DOCK8: variants seen among roughly 807,000 people sequenced by gnomAD.
The protein encoded by DOCK8 is dedicator of cytokinesis protein 8.
DOCK8 carries 141 observed loss-of-function variants against 245.6 expected under a neutral mutation model. The ratio of observed to expected loss-of-function variants is 0.57; its 90% CI spans 0.50 to 0.66. The LOEUF (loss-of-function observed/expected upper bound fraction) is 0.66, where lower values mean the gene tolerates loss of function less well. Ranked by LOEUF, DOCK8 falls within the 30% of genes least tolerant of loss-of-function variation. The probability of loss-of-function intolerance (pLI) is 0.00; values close to 1 mark genes in which losing one functional copy is unlikely to be tolerated. For missense variants in DOCK8, 2,965 were observed against 2,603.4 expected (o/e 1.14, Z -3.02); for synonymous variants, 1,168 against 970.2 (o/e 1.20, Z -3.79).
intron 1 of DOCK8, among the ~76,000 whole-genome samples, chr9:246,345 C>T (rs931757661): frequency 6.6e-6 from 1 of 151,970 alleles, no homozygotes; most frequent in Non-Finnish European, 1.5e-5. Context: ...ATAGCGTGAC[C>T]CCATCTCTAC....
intron 9 of DOCK8, among the ~76,000 whole-genome samples, chr9:332,046 T>C (rs2130857695): frequency 6.6e-6 from 1 of 152,368 alleles, no homozygotes; most frequent in East Asian, 1.9e-4. Context: ...ATAACTTTTA[T>C]TGCTGTTTTT....
Position 464,208 on chromosome 9 carries a change from C to T in DOCK8, c.6289C>T (p.Gln2097Ter). 6.2e-7 allele frequency: 1 copy of T among 1,613,930 alleles called. No individual in the cohort carries two copies. Among genetic ancestry groups the T allele is most frequent in the Non-Finnish European group, 8.5e-7 (1 of 1,179,778 alleles). The change falls in exon 48 of 48, where the codon CAG becomes TAG. Residue 2097 changes from glutamine to a stop codon, truncating the protein, a stop_gained. Coordinates refer to ENST00000432829, the MANE Select transcript of DOCK8 (RefSeq NM_203447.4). LOFTEE classifies it high-confidence loss of function. Reference sequence around the variant, plus strand: ...CAGGAAATGTGAAACCCAGTTGTCACAGGGCAGCTAAGAAAAGCCATCTTC... The same window carrying T: ...CAGGAAATGTGAAACCCAGTTGTCATAGGGCAGCTAAGAAAAGCCATCTTC... ...SFRKCETQLS[Q>*]GS
chr9:307,654 G>A (rs897833805), intron 5 of DOCK8, among the ~76,000 whole-genome samples: 4 of 151,880 alleles, frequency 2.6e-5, no homozygotes, highest in Admixed American at 1.3e-4. Context: ...CACCGCACCC[G>A]GCCCACTGTC....
At chr9:400,952 A>ACCTTCT (rs1412533059) in intron 26 of DOCK8, among the ~76,000 whole-genome samples, 3 of 67,484 alleles carry the variant, frequency 4.4e-5, no homozygotes, top group Admixed American at 1.5e-4. Context: ...CACCATCACC[A>ACCTTCT]CCACCACCAC....
At chr9:390,012 C>A (rs2054118102) in intron 23 of DOCK8, among the ~76,000 whole-genome samples, 1 of 151,382 alleles carries the variant, frequency 6.6e-6, no homozygotes, top group Admixed American at 6.6e-5. Flanking sequence ...AGAGTGCAGC[C>A]CTATCTCAAA....
intron 1 of DOCK8, among the ~76,000 whole-genome samples, chr9:268,936 TA>T (rs2048094543): frequency 6.6e-6 from 1 of 152,232 alleles, no homozygotes; most frequent in African/African-American, 2.4e-5. Context: ...AACTTATAAT[TA>T]AAATCAGTCT....
intron 1 of DOCK8, among the ~76,000 whole-genome samples, chr9:247,594 C>T (rs182530873): frequency 2.6e-5 from 4 of 152,212 alleles, no homozygotes; most frequent in East Asian, 3.9e-4. Context: ...AGTGCAGTGA[C>T]GTGATCTCGG....
chr9:231,548 C>T (rs1423975377), intron 1 of DOCK8, among the ~76,000 whole-genome samples: 1 of 152,120 alleles, frequency 6.6e-6, no homozygotes, highest in African/African-American at 2.4e-5. Context: ...GAATGTTCTT[C>T]CATTTGTTTG....
At chr9:402,526 G>A (rs891593708) in intron 26 of DOCK8, among the ~76,000 whole-genome samples, 19 of 152,202 alleles carry the variant, frequency 1.2e-4, no homozygotes, top group African/African-American at 4.1e-4. Context: ...GCCTCAGAAG[G>A]TCACTGACCC....
Position 368,130 on chromosome 9 carries a change from A to T in DOCK8, c.1792A>T (p.Met598Leu). 1.9e-6 allele frequency: 3 copies of T among 1,613,664 alleles called. No homozygotes were observed. Among genetic ancestry groups the T allele is most frequent in the Non-Finnish European group, 1.7e-6 (2 of 1,179,550 alleles). Residue 598 changes from methionine (M) to leucine (L), a missense_variant, in exon 15 of 48, where the codon ATG becomes TTG. Met to Leu is a conservative substitution (Grantham distance 15, BLOSUM62 2). This residue lies in a region of DOCK8 where 2,825 missense variants were observed against 2,453.5 expected (regional missense o/e 1.15). Transcript: ENST00000432829. Reference protein sequence around the residue: ...FMCGEDASNAMPVIFGKSSGP... With the variant: ...FMCGEDASNALPVIFGKSSGP... ...GTGTGGAGAAGATGCTAGCAATGCG[A>T]TGCCGGTAAGGAGGGAAACGAACAT...
rs1340617075 is a variant in DOCK8, at chr9:382,567, C to T, written c.2660C>T (p.Ser887Leu). The T allele has an allele frequency of 2.5e-6, 4 of 1,614,026 alleles. No homozygotes were observed. Among genetic ancestry groups the T allele is most frequent in the African/African-American group, 2.7e-5 (2 of 74,924 alleles). Residue 887 changes from serine (S) to leucine (L), a missense_variant, in exon 22 of 48, where the codon TCA becomes TTA. This residue lies in a region of DOCK8 where 2,825 missense variants were observed against 2,453.5 expected (regional missense o/e 1.15). Coordinates refer to ENST00000432829, the MANE Select transcript of DOCK8 (RefSeq NM_203447.4). ...PRSYHTYGRT[S>L]AAAVSSKLLQ... Reference sequence around the variant, plus strand: ...AGCTACCACACGTATGGCCGCACATCAGCTGCTGCTGTGAGTTCAAAGCTG... The same window carrying T: ...AGCTACCACACGTATGGCCGCACATTAGCTGCTGCTGTGAGTTCAAAGCTG...
In DOCK8 at chr9:398,290, G is replaced by C. The variant is rs141496586; in HGVS notation, c.3121-856G>C. On this transcript the variant is annotated intron_variant, in intron 25 of 47. Transcript: ENST00000432829. ...GTGGAGAATGCGGAGAGAGTTCGAGGACCTCTCAGCGGCACGGTAGCAACC... is the reference window on the plus strand; with the variant it reads ...GTGGAGAATGCGGAGAGAGTTCGAGCACCTCTCAGCGGCACGGTAGCAACC... Among the ~76,000 whole-genome samples, 631 of 152,276 alleles carry C rather than the reference G, an allele frequency of 4.1e-3. 4 individuals carry two copies. Among genetic ancestry groups the C allele is most frequent in the African/African-American group, 0.014 (580 of 41,538 alleles).
intron 6 of DOCK8, among the ~76,000 whole-genome samples, chr9:316,313 GCATACATGAAT>G (rs1342266897): frequency 6.6e-6 from 1 of 152,152 alleles, no homozygotes; most frequent in Non-Finnish European, 1.5e-5. Flanking sequence ...ACTTATTTTT[GCATACATGAAT>G]ATAATTAACA....
intron 24 of DOCK8, 32 bp from the exon 25 acceptor site, chr9:396,751 TCC>T: frequency 6.2e-7 from 1 of 1,613,732 alleles, no homozygotes; most frequent in Non-Finnish European, 8.5e-7. Context: ...GTCACCAATC[TCC>T]ATGTTGACAT....
intron 30 of DOCK8, among the ~76,000 whole-genome samples, chr9:419,812 C>T (rs2056199681): frequency 6.6e-6 from 1 of 152,180 alleles, no homozygotes; most frequent in Non-Finnish European, 1.5e-5. Flanking sequence ...CACACCCCAG[C>T]CCCAGGCAAA....
intron 7 of DOCK8, among the ~76,000 whole-genome samples, chr9:324,628 G>A (rs1452776839): frequency 6.6e-6 from 1 of 152,104 alleles, no homozygotes; most frequent in Non-Finnish European, 1.5e-5. Context: ...TATCTGCTGT[G>A]CTCAAGCCCC....
intron 1 of DOCK8, among the ~76,000 whole-genome samples, chr9:247,363 A>G (rs1333590271): frequency 6.6e-6 from 1 of 152,156 alleles, no homozygotes; most frequent in East Asian, 1.9e-4. Flanking sequence ...AGCTTGTGGA[A>G]TTTACTTGAA....
intron 14 of DOCK8, among the ~76,000 whole-genome samples, chr9:366,731 G>T (rs763902845): frequency 6.9e-6 from 1 of 145,284 alleles, no homozygotes; most frequent in Non-Finnish European, 1.5e-5. Flanking sequence ...GCTTTGCCTT[G>T]CTCTTTCCCA....
intron 1 of DOCK8, among the ~76,000 whole-genome samples, chr9:233,433 G>T (rs1207868802): frequency 5.3e-5 from 8 of 152,104 alleles, no homozygotes; most frequent in African/African-American, 1.2e-4. Context: ...CAGAGCTGAG[G>T]TCAATTCCTC....
Sources: gnomAD v4.1 joint callset for allele counts (sites outside exome capture counted in the v4.1 genomes callset) on GRCh38, gnomAD v4.1.1 for gene constraint, gnomAD v4.1.1 regional missense constraint, MANE v1.5 for transcripts, NCBI Gene and HGNC (gene_info 2026-07-23, HGNC 2026-07-21) for gene names.